MSR1: variants seen among roughly 807,000 people sequenced by gnomAD.
MSR1 encodes macrophage scavenger receptor 1, also known as macrophage scavenger receptor types I and II.
A neutral mutation model predicts 47.2 loss-of-function variants in MSR1; 53 were observed. The observed-to-expected ratio is 1.12, with a 90% CI of 0.90 to 1.41. MSR1 has a LOEUF of 1.41. MSR1 is among the 40% of genes most tolerant of loss of function. The pLI, the probability that MSR1 is intolerant of heterozygous loss-of-function variation, is 0.00. For missense variants in MSR1, 786 were observed against 546.9 expected (o/e 1.44, Z -4.36); for synonymous variants, 239 against 185.6 (o/e 1.29, Z -2.34).
chr8:16,163,412 G>C (rs958824442), intron 5 of MSR1, among the ~76,000 whole-genome samples: 9 of 151,016 alleles, frequency 6.0e-5, no homozygotes, highest in African/African-American at 1.9e-4. Context: ...ACATGCAAAT[G>C]GTTGAAATCA....
chr8:16,143,595 T>A lies in MSR1; in HGVS notation c.996A>T (p.Lys332Asn). Reference protein sequence around the residue: ...YAGRPGNSGPKGQKGEKGSGN... With the variant: ...YAGRPGNSGPNGQKGEKGSGN... ...CACTCCCCTTTTCCCCTTTCTGGCCTTTTGGTCCAGAATTTCCTTGAGAAA... is the reference window on the plus strand; with the variant it reads ...CACTCCCCTTTTCCCCTTTCTGGCCATTTGGTCCAGAATTTCCTTGAGAAA... The change falls in exon 8 of 10, where the codon AAA becomes AAT. Residue 332 changes from lysine to asparagine, a missense_variant. By Grantham distance (94) the Lys-to-Asn change is moderately conservative (BLOSUM62 0). Coordinates refer to ENST00000262101, the MANE Select transcript of MSR1 (RefSeq NM_138715.3). 1 of 1,612,240 alleles carries A rather than the reference T, an allele frequency of 6.2e-7. No individual in the cohort carries two copies. Among genetic ancestry groups the A allele is most frequent in the Non-Finnish European group, 8.5e-7 (1 of 1,178,802 alleles).
intron 6 of MSR1, among the ~76,000 whole-genome samples, chr8:16,152,174 C>A (rs760727508): frequency 3.3e-5 from 5 of 152,076 alleles, no homozygotes; most frequent in African/African-American, 9.7e-5. Flanking sequence ...TTAAATGATA[C>A]GTACACAGTT....
intron 3 of MSR1, among the ~76,000 whole-genome samples, chr8:16,173,297 G>A (rs1056387022): frequency 3.3e-5 from 5 of 152,274 alleles, no homozygotes; most frequent in Admixed American, 2.6e-4. Context: ...CACTCTGCAC[G>A]AGCCTATCAG....
chr8:16,150,234 G>A lies in MSR1; in HGVS notation c.976C>T (p.Pro326Ser), dbSNP rs1462302262. The change falls in exon 7 of 10, where the codon CCA (proline) becomes TCA (serine). Residue 326 changes from proline to serine, a missense_variant. Coordinates refer to ENST00000262101, the MANE Select transcript of MSR1 (RefSeq NM_138715.3). ...AAAATACACATTATTGTAATACCTG[G>A]CCTTCCGGCATATCCTGGGAGTCCT... Reference protein sequence around the residue: ...SRGLPGYAGRPGNSGPKGQKG... With the variant: ...SRGLPGYAGRSGNSGPKGQKG... The A allele has an allele frequency of 2.0e-6, 3 of 1,519,532 alleles. No individual in the cohort carries two copies. The highest frequency in any genetic ancestry group is 2.7e-6 in the Non-Finnish European group (3 of 1,126,656). 94.1% of individuals were successfully genotyped at this position (1,519,532 alleles called of 1,614,324 possible).
intron 8 of MSR1, among the ~76,000 whole-genome samples, chr8:16,128,493 C>G (rs746305374): frequency 1.2e-4 from 18 of 152,052 alleles, no homozygotes; most frequent in Non-Finnish European, 2.2e-4. Flanking sequence ...TCAGGAGAAG[C>G]CAATCCTGCC....
chr8:16,117,576 C>T (rs911420613), intron 9 of MSR1, among the ~76,000 whole-genome samples: 1 of 152,074 alleles, frequency 6.6e-6, no homozygotes, highest in Non-Finnish European at 1.5e-5. Context: ...CTTCAAATTT[C>T]CATACATTCT....
At chr8:16,113,359 A>G (rs770522279) in intron 9 of MSR1, among the ~76,000 whole-genome samples, 1 of 152,156 alleles carries the variant, frequency 6.6e-6, no homozygotes, top group Non-Finnish European at 1.5e-5. Flanking sequence ...TCAGTTTCAT[A>G]CATCATCCAG....
chr8:16,150,330 A>G lies in MSR1; in HGVS notation c.899-19T>C. 6.8e-7 allele frequency: 1 copy of G among 1,474,562 alleles called. No individual in the cohort carries two copies. The highest frequency in any genetic ancestry group is 9.3e-7 in the Non-Finnish European group (1 of 1,079,346). 91.3% of individuals were successfully genotyped at this position (1,474,562 alleles called of 1,614,324 possible). A position where few individuals can be genotyped will look rare whatever the true frequency, so the allele number is the denominator to read the frequency against. The stretch of plus-strand genomic sequence containing the variant: ...GGAGGACCTACATTATTAACGAAGA[A>G]AAAAAGAAGGTAATAATTCATTTTC... On this transcript the variant is annotated intron_variant, in intron 6 of 9. Coordinates refer to ENST00000262101, the MANE Select transcript of MSR1 (RefSeq NM_138715.3).
At position 16,177,806 on chromosome 8, in the gene MSR1, A is replaced by AT. The variant is rs1585191840; in HGVS notation, c.103+79_103+80insA. ...TTTAACATCCACTTACATTTAAGGT[A>AT]AGTCTCAAGACTATAATTTTATATT... On this transcript the variant is annotated intron_variant, in intron 2 of 9. Transcript: ENST00000262101. The AT allele has an allele frequency of 2.9e-5, 31 of 1,080,660 alleles. No individual in the cohort carries two copies. In the East Asian group the frequency reaches 7.5e-4, roughly 26 times the overall value. The allele number at this position is 1,080,660 out of a possible 1,614,324, so 66.9% of individuals were successfully genotyped here.
intron 1 of MSR1, among the ~76,000 whole-genome samples, chr8:16,180,889 G>T (rs1386812003): frequency 1.3e-5 from 2 of 152,074 alleles, no homozygotes; most frequent in African/African-American, 4.8e-5. Context: ...TTCTTTAATG[G>T]ATCTGACCAC....
At chr8:16,149,015 C>T (rs1800774027) in intron 7 of MSR1, among the ~76,000 whole-genome samples, 1 of 151,980 alleles carries the variant, frequency 6.6e-6, no homozygotes, top group Non-Finnish European at 1.5e-5. Flanking sequence ...CAGCAGCTGC[C>T]AAGAGATTGT....
intron 3 of MSR1, 129 bp downstream of exon 3, chr8:16,175,058 G>C: frequency 1.4e-6 from 1 of 732,398 alleles, no homozygotes; most frequent in South Asian, 1.7e-5. Flanking sequence ...AAATTTGAAG[G>C]ACACTTTGTA....
chr8:16,175,581 C>T (rs1801622868), intron 2 of MSR1, among the ~76,000 whole-genome samples: 1 of 152,128 alleles, frequency 6.6e-6, no homozygotes, highest in South Asian at 2.1e-4. Flanking sequence ...TTGGAATCAG[C>T]TGGTAAATTT....
intron 5 of MSR1, among the ~76,000 whole-genome samples, chr8:16,161,106 G>A (rs1801150304): frequency 6.7e-6 from 1 of 149,138 alleles, no homozygotes; most frequent in Admixed American, 6.8e-5. Flanking sequence ...AGAAGCGGAT[G>A]TAATACACCA....
In MSR1 at chr8:16,139,457, G is replaced by C. The variant is rs1033033741; in HGVS notation, c.1033+4101C>G. The C allele has an allele frequency of 3.1e-6, 3 of 979,268 alleles. No individual in the cohort carries two copies. The African/African-American group carries it at 5.3e-5, about 17-fold the overall frequency. The allele number at this position is 979,268 out of a possible 1,614,324, so 60.7% of individuals were successfully genotyped here. ...GGGAATAAAAATGCTGAGATACACA[G>C]AGGCATACCATCTAGAGTTCTACTA... On this transcript the variant is annotated intron_variant, in intron 8 of 9. Transcript: ENST00000262101.
intron 1 of MSR1, among the ~76,000 whole-genome samples, chr8:16,181,813 GA>G: frequency 6.7e-6 from 1 of 149,278 alleles, no homozygotes; most frequent in East Asian, 2.0e-4. Flanking sequence ...AAAAAAAAAA[GA>G]AAAACGAAAA....
chr8:16,150,789 T>C (rs981743452), intron 6 of MSR1, among the ~76,000 whole-genome samples: 3 of 151,920 alleles, frequency 2.0e-5, no homozygotes, highest in African/African-American at 7.3e-5. Flanking sequence ...TATTACTTTA[T>C]CTATCATGGA....
chr8:16,171,386 A>T (rs767393158), intron 3 of MSR1, among the ~76,000 whole-genome samples: 4 of 152,184 alleles, frequency 2.6e-5, no homozygotes, highest in Non-Finnish European at 5.9e-5. Flanking sequence ...ATATTAGCTT[A>T]TGTGAAATAA....
intron 8 of MSR1, chr8:16,139,766 AAAAAAAAAATATATATATATATATATAT>A (rs1800491627): frequency 6.3e-6 from 1 of 158,516 alleles, no homozygotes; most frequent in Non-Finnish European, 7.5e-6. Flanking sequence ...AAAAAAAAAA[AAAAAAAAAATATATATATATATATATAT>A]ATATATATAT....
Sources: allele counts gnomAD v4.1 joint callset (sites outside exome capture counted in the v4.1 genomes callset), GRCh38; gene constraint gnomAD v4.1.1; transcripts MANE v1.5; gene names NCBI Gene and HGNC (gene_info 2026-07-23, HGNC 2026-07-21).